ATP11A: variants seen among roughly 807,000 people sequenced by gnomAD.
ATP11A encodes the protein phospholipid-transporting ATPase IH.
ATP11A carries 81 observed loss-of-function variants against 154.4 expected under a neutral mutation model. The observed-to-expected ratio is 0.52, with a 90% CI of 0.44 to 0.63. The LOEUF (loss-of-function observed/expected upper bound fraction) is 0.63, where lower values mean the gene tolerates loss of function less well. Ranked by LOEUF, ATP11A falls within the 30% of genes least tolerant of loss-of-function variation. The pLI, the probability that ATP11A is intolerant of heterozygous loss-of-function variation, is 0.00. For missense variants in ATP11A, 1,316 were observed against 1,474.3 expected, an observed-to-expected ratio of 0.89 and a Z score of 1.76; for synonymous variants, 623 against 585.9, an observed-to-expected ratio of 1.06 and a Z score of -0.91.
At chr13:112,759,394 C>T (rs2076915329) in intron 1 of ATP11A, among the ~76,000 whole-genome samples, 1 of 152,206 alleles carries the variant, frequency 6.6e-6, no homozygotes, top group Admixed American at 6.5e-5. Flanking sequence ...ACCGTCATGA[C>T]GGTGGGGGTT....
In ATP11A at chr13:112,875,839, C is replaced by T; in HGVS notation, c.3225C>T (p.Ala1075=). The part of the protein sequence containing the change: ...VFIQMLSSGP[A]WLAIVLLVTI... ...TCCAGATGCTGTCCAGCGGGCCCGC[C>T]TGGCTGGCCATCGTGCTGCTGGTGA... The change falls in exon 28 of 30, where the codon GCC becomes GCT. Residue 1075 remains alanine (A), a synonymous_variant. Coordinates refer to ENST00000375645, the MANE Select transcript of ATP11A (RefSeq NM_015205.3). This position sits in a 1 kb window ranked among gnomAD's most constrained non-coding sequence, Gnocchi z 4.1. 1 of 1,614,018 alleles carries T rather than the reference C, an allele frequency of 6.2e-7. No individual in the cohort carries two copies. The highest frequency in any genetic ancestry group is 8.5e-7 in the Non-Finnish European group (1 of 1,180,044).
At chr13:112,762,792 A>G (rs925136462) in intron 1 of ATP11A, among the ~76,000 whole-genome samples, 3 of 152,244 alleles carry the variant, frequency 2.0e-5, no homozygotes, top group Non-Finnish European at 4.4e-5. Context: ...TCTCTTTACA[A>G]ATGCTCACGG....
At chr13:112,835,011 T>A (rs2140263580) in intron 15 of ATP11A, among the ~76,000 whole-genome samples, 1 of 152,350 alleles carries the variant, frequency 6.6e-6, no homozygotes, top group African/African-American at 2.4e-5. Flanking sequence ...CCCCTTTGCC[T>A]CCACGAGGGG....
At chr13:112,803,653 G>T (rs2078197213) in intron 2 of ATP11A, among the ~76,000 whole-genome samples, 1 of 150,174 alleles carries the variant, frequency 6.7e-6, no homozygotes, top group Admixed American at 6.7e-5. Context: ...GTGTGGAGAG[G>T]AGATGCTGTG....
rs777650691 is a variant in ATP11A at position 112,810,653 on chromosome 13, A to G, written c.368A>G (p.Asn123Ser). Residue 123 changes from asparagine (N) to serine (S), a missense_variant, in exon 5 of 30, where the codon AAT becomes AGT. By Grantham distance (46) the Asn-to-Ser change is conservative. This residue lies in a region of ATP11A where 876 missense variants were observed against 1,006.8 expected (regional missense o/e 0.87). Transcript: ENST00000375645. Reference protein sequence around the residue: ...YEDWLRHKADNAMNQCPVHFI... With the variant: ...YEDWLRHKADSAMNQCPVHFI... ...GACTGGCTTCGACATAAAGCAGACAATGCCATGAACCAGTGTCCTGTTCAT... is the reference window on the plus strand; with the variant it reads ...GACTGGCTTCGACATAAAGCAGACAGTGCCATGAACCAGTGTCCTGTTCAT... 1.4e-5 allele frequency: 22 copies of G among 1,613,978 alleles called. No individual in the cohort carries two copies. The East Asian group carries it at 4.5e-4, about 33-fold the overall frequency.
intron 1 of ATP11A, among the ~76,000 whole-genome samples, chr13:112,719,514 T>C (rs1183091893): frequency 6.6e-6 from 1 of 152,188 alleles, no homozygotes; most frequent in African/African-American, 2.4e-5. Context: ...ATAGATCTGA[T>C]TGGATTTTAA....
chr13:112,859,436 G>A lies in ATP11A; in HGVS notation c.2711G>A (p.Cys904Tyr). The change falls in exon 23 of 30, where the codon TGT becomes TAT. Residue 904 changes from cysteine (C) to tyrosine (Y), a missense_variant. By Grantham distance (194) the Cys-to-Tyr change is radical (BLOSUM62 -2). Coordinates refer to ENST00000375645, the MANE Select transcript of ATP11A (RefSeq NM_015205.3). This position sits in a 1 kb window ranked among gnomAD's most constrained non-coding sequence, Gnocchi z 4.3. Reference protein sequence around the residue: ...IFPQFLYQFFCGFSQQTLYDT... With the variant: ...IFPQFLYQFFYGFSQQTLYDT... ...CCTCAGTTTTTATACCAGTTCTTCT[G>A]TGGGTTTTCACAACAGGTCAGTCCT... The A allele has an allele frequency of 6.2e-7, 1 of 1,613,996 alleles. No homozygotes were observed.
At chr13:112,721,485 C>T (rs143399718) in intron 1 of ATP11A, among the ~76,000 whole-genome samples, 1 of 152,230 alleles carries the variant, frequency 6.6e-6, no homozygotes, top group Non-Finnish European at 1.5e-5. Context: ...TGGTGTCACC[C>T]TGGCAGCACA....
chr13:112,699,028 T>C (rs948805995), intron 1 of ATP11A, among the ~76,000 whole-genome samples: 1 of 152,204 alleles, frequency 6.6e-6, no homozygotes, highest in Admixed American at 6.5e-5. Context: ...GCGCCTGGTC[T>C]TTAAACCAAT....
chr13:112,798,642 A>G, intron 2 of ATP11A, among the ~76,000 whole-genome samples: 1 of 152,218 alleles, frequency 6.6e-6, no homozygotes, highest in Non-Finnish European at 1.5e-5. Context: ...TAGTGCAACC[A>G]CTAAGTAATT....
intron 1 of ATP11A, among the ~76,000 whole-genome samples, chr13:112,764,742 G>A (rs1198134729): frequency 1.3e-5 from 2 of 152,228 alleles, no homozygotes; most frequent in Non-Finnish European, 2.9e-5. Context: ...GGCTGCAGTG[G>A]GCTGGAAGTG....
chr13:112,795,159 C>T (rs1018293750), intron 2 of ATP11A, among the ~76,000 whole-genome samples: 14 of 151,954 alleles, frequency 9.2e-5, no homozygotes, highest in Admixed American at 4.6e-4. Context: ...GCACGAGAAT[C>T]GCTTGAACCT....
chr13:112,876,782 G>C (rs945970), intron 28 of ATP11A, among the ~76,000 whole-genome samples: 1 of 151,968 alleles, frequency 6.6e-6, no homozygotes, highest in East Asian at 1.9e-4. Context: ...CGGGGAGTGA[G>C]TGGGGGCCGG....
intron 1 of ATP11A, among the ~76,000 whole-genome samples, chr13:112,766,015 C>G (rs949846540): frequency 1.3e-5 from 2 of 152,196 alleles, no homozygotes; most frequent in Admixed American, 6.5e-5. Context: ...TCTTGGGATA[C>G]GGTCGGGGGC....
chr13:112,841,261 G>A (rs1274142365), intron 16 of ATP11A, among the ~76,000 whole-genome samples: 1 of 148,504 alleles, frequency 6.7e-6, no homozygotes, highest in East Asian at 2.0e-4. Flanking sequence ...GGGGCTCTGT[G>A]TGTCGGGAGC....
chr13:112,738,459 G>A (rs71446627), intron 1 of ATP11A, among the ~76,000 whole-genome samples: 14,921 of 152,166 alleles, frequency 0.098, 781 homozygotes, highest in Middle Eastern at 0.12. Flanking sequence ...AGTATTGAAC[G>A]AACCTGAGAT....
chr13:112,834,703 TAAAG>T lies in ATP11A; in HGVS notation c.1631+45_1631+48del, dbSNP rs751637133. ...CCTCAGATGTGAAAGGACTAACGAA[TAAAG>T]AGTGTTCTTTATAAGGTTCTGCGTT... On this transcript the variant is annotated intron_variant, in intron 15 of 29. Transcript: ENST00000375645. 15 of 1,468,336 alleles carry T rather than the reference TAAAG, an allele frequency of 1.0e-5. No individual in the cohort carries two copies. In the African/African-American group the frequency reaches 1.4e-4, roughly 14 times the overall value. The allele number at this position is 1,468,336 out of a possible 1,614,324, so 91.0% of individuals were successfully genotyped here. A position where few individuals can be genotyped will look rare whatever the true frequency, so the allele number is the denominator to read the frequency against.
At chr13:112,698,589 T>C (rs1326072713) in intron 1 of ATP11A, among the ~76,000 whole-genome samples, 2 of 152,248 alleles carry the variant, frequency 1.3e-5, no homozygotes, top group Non-Finnish European at 2.9e-5. Flanking sequence ...GACATCAGGC[T>C]GGGAGTCAAG....
At chr13:112,729,070 G>A (rs1890209603) in intron 1 of ATP11A, among the ~76,000 whole-genome samples, 1 of 152,182 alleles carries the variant, frequency 6.6e-6, no homozygotes, top group South Asian at 2.1e-4. Context: ...TCTCTGTTGA[G>A]AGTCCAGGAA....
Sources: gnomAD v4.1 joint callset for allele counts (sites outside exome capture counted in the v4.1 genomes callset) on GRCh38, gnomAD v4.1.1 for gene constraint, gnomAD v4.1.1 regional missense constraint, Gnocchi (gnomAD v3.1) non-coding constraint, MANE v1.5 for transcripts, NCBI Gene and HGNC (gene_info 2026-07-23, HGNC 2026-07-21) for gene names.